ANKDD1A: variants seen among roughly 807,000 people sequenced by gnomAD.
ANKDD1A encodes ankyrin repeat and death domain-containing protein 1A.
Under a neutral mutation model 63.5 loss-of-function variants are expected in ANKDD1A, and 59 were observed. The observed-to-expected ratio is 0.93, with a 90% confidence interval of 0.75 to 1.15. ANKDD1A has a LOEUF of 1.15. Ranked by LOEUF, ANKDD1A falls within the 50% of genes most tolerant of loss-of-function variation. The pLI, the probability that ANKDD1A is intolerant of heterozygous loss-of-function variation, is 0.00. For missense variants in ANKDD1A, 632 were observed against 656.4 expected (o/e 0.96, Z 0.41); for synonymous variants, 266 against 263.9 (o/e 1.01, Z -0.08).
At chr15:64,931,667 C>G (rs752423519) in intron 8 of ANKDD1A, 82 bp downstream of exon 8, 14 of 1,440,872 alleles carry the variant, frequency 9.7e-6, no homozygotes, top group Non-Finnish European at 1.3e-5. Context: ...ACAGGGATTC[C>G]TGAACCCTGA....
intron 2 of ANKDD1A, among the ~76,000 whole-genome samples, chr15:64,916,383 G>A (rs1256365569): frequency 3.3e-5 from 5 of 150,620 alleles, no homozygotes; most frequent in East Asian, 1.9e-4. Flanking sequence ...GGAGTGCAGT[G>A]GAGCAATCAC....
chr15:64,950,871 T>C, intron 14 of ANKDD1A: 1 of 1,170,532 alleles, frequency 8.5e-7, no homozygotes, highest in Non-Finnish European at 1.1e-6. Flanking sequence ...TAACACAAAC[T>C]GTGGCATGCA....
At chr15:64,953,745 CCTCTTTTCT>C (rs2085358271) in intron 14 of ANKDD1A, among the ~76,000 whole-genome samples, 1 of 136,408 alleles carries the variant, frequency 7.3e-6, no homozygotes. Flanking sequence ...CTTCTTCTTT[CCTCTTTTCT>C]TCGTTCTTCT....
intron 9 of ANKDD1A, among the ~76,000 whole-genome samples, chr15:64,938,431 T>C (rs940451585): frequency 6.6e-6 from 1 of 152,094 alleles, no homozygotes; most frequent in African/African-American, 2.4e-5. Context: ...ATCTCTGTAA[T>C]CCTCCCCCAA....
intron 3 of ANKDD1A, among the ~76,000 whole-genome samples, chr15:64,919,363 G>A (rs1258994140): frequency 6.6e-6 from 1 of 152,216 alleles, no homozygotes; most frequent in African/African-American, 2.4e-5. Context: ...TCTACCAGGT[G>A]CTGAGCTCTG....
At position 64,917,388 on chromosome 15, in the gene ANKDD1A, G is replaced by A; in HGVS notation, c.141G>A (p.Val47=). The A allele has an allele frequency of 6.2e-7, 1 of 1,605,756 alleles. No homozygotes were observed. Among genetic ancestry groups the A allele is most frequent in the Non-Finnish European group, 8.5e-7 (1 of 1,175,824 alleles). The change falls in exon 3 of 15, where the codon GTG becomes GTA. Residue 47 remains valine (V), a splice_region_variant and synonymous_variant. Coordinates refer to ENST00000319580, the MANE Select transcript of ANKDD1A (RefSeq NM_182703.6). ...RRVNTRARNH[V]GRVALHWAAG... ...AAGTGTCATCTCCCTCCGGGCAGGTGGGCAGGGTGGCCCTGCACTGGGCTG... is the reference window on the plus strand; with the variant it reads ...AAGTGTCATCTCCCTCCGGGCAGGTAGGCAGGGTGGCCCTGCACTGGGCTG...
Position 64,950,958 on chromosome 15 carries a change from T to C in ANKDD1A, c.1483+986T>C, listed in dbSNP as rs372885286. On this transcript the variant is annotated intron_variant, in intron 14 of 14. Transcript: ENST00000319580. Reference sequence around the variant, plus strand: ...TAAGATTCTTGTTTTTAACAGAAAATATCAGGAAGAAAGCAAACGCAGCCC... The same window carrying C: ...TAAGATTCTTGTTTTTAACAGAAAACATCAGGAAGAAAGCAAACGCAGCCC... 18 of 1,270,064 alleles carry C rather than the reference T, an allele frequency of 1.4e-5. No individual in the cohort carries two copies. In the East Asian group the frequency reaches 6.8e-4, roughly 48 times the overall value. The allele number at this position is 1,270,064 out of a possible 1,614,324, so 78.7% of individuals were successfully genotyped here.
intron 9 of ANKDD1A, among the ~76,000 whole-genome samples, chr15:64,934,930 T>G (rs556888564): frequency 6.6e-6 from 1 of 152,076 alleles, no homozygotes; most frequent in East Asian, 1.9e-4. Context: ...ATCTTTTGGT[T>G]AAAACACAGA....
chr15:64,957,179 T>A lies in ANKDD1A; in HGVS notation c.1560T>A (p.Pro520=), dbSNP rs1181942305. ...TTCAAATGATTCTTGTGCCTCAGCC[T>A]CCCGAGTAGCTGGGATTACAGGTGC... ...SRVQMILVPQ[P]PE is the part of the protein sequence containing the mutation. The change falls in exon 15 of 15, where the codon CCT becomes CCA. Residue 520 remains proline, a synonymous_variant. Transcript: ENST00000319580. 3 of 409,292 alleles carry A rather than the reference T, an allele frequency of 7.3e-6. No individual in the cohort carries two copies. Among genetic ancestry groups the A allele is most frequent in the African/African-American group, 4.3e-5 (2 of 46,854 alleles). 25.4% of individuals were successfully genotyped at this position (409,292 alleles called of 1,614,324 possible).
At chr15:64,952,192 T>C (rs2085300936) in intron 14 of ANKDD1A, among the ~76,000 whole-genome samples, 1 of 147,646 alleles carries the variant, frequency 6.8e-6, no homozygotes, top group East Asian at 1.9e-4. Flanking sequence ...TTCTACTTTT[T>C]CTTCTTCTTC....
chr15:64,939,432 C>G (rs2085162397), intron 9 of ANKDD1A, among the ~76,000 whole-genome samples: 1 of 152,142 alleles, frequency 6.6e-6, no homozygotes. Flanking sequence ...GCCTGGGCAA[C>G]AAAGCGAGAC....
intron 13 of ANKDD1A, 37 bp downstream of exon 13, chr15:64,947,630 G>T: frequency 4.4e-6 from 7 of 1,600,582 alleles, no homozygotes; most frequent in Non-Finnish European, 6.0e-6. Context: ...AGCAACCATT[G>T]GGCGGAGGGG....
At chr15:64,948,973 C>T (rs72739229) in intron 13 of ANKDD1A, among the ~76,000 whole-genome samples, 3,031 of 152,248 alleles carry the variant, frequency 0.02, 49 homozygotes, top group Admixed American at 0.03. Context: ...ATTACAGTGG[C>T]GGGGGCAGAG....
intron 4 of ANKDD1A, chr15:64,922,590 A>G (rs752485529): frequency 6.6e-6 from 1 of 152,228 alleles, no homozygotes; most frequent in Non-Finnish European, 1.5e-5. Context: ...ATGAACTTGG[A>G]TTGGAAAAAA....
At chr15:64,913,796 G>A (rs541111650) in intron 1 of ANKDD1A, among the ~76,000 whole-genome samples, 1 of 152,184 alleles carries the variant, frequency 6.6e-6, no homozygotes, top group African/African-American at 2.4e-5. Flanking sequence ...ACACAAAGGG[G>A]CTGGGTTCAG....
At chr15:64,921,636 A>G (rs938563838) in intron 3 of ANKDD1A, among the ~76,000 whole-genome samples, 7 of 152,016 alleles carry the variant, frequency 4.6e-5, no homozygotes, top group Non-Finnish European at 1.0e-4. Context: ...CAGCCTCCCA[A>G]AGTGCTGGGA....
In ANKDD1A at chr15:64,930,983, C is replaced by T; in HGVS notation, c.669+63C>T. 6.6e-6 allele frequency: 10 copies of T among 1,519,930 alleles called. No homozygotes were observed. In the South Asian group the frequency reaches 1.2e-4, roughly 18 times the overall value. The allele number at this position is 1,519,930 out of a possible 1,614,324, so 94.2% of individuals were successfully genotyped here. On this transcript the variant is annotated intron_variant, in intron 7 of 14. Transcript: ENST00000319580. ...TTGCTTGCTCTCTGCCTTCGAGGAACCCCCACCAGTCCATGGTGAAGTCTA... is the reference window on the plus strand; with the variant it reads ...TTGCTTGCTCTCTGCCTTCGAGGAATCCCCACCAGTCCATGGTGAAGTCTA...
At chr15:64,953,633 T>TCTTCTTCTTC (rs2085352341) in intron 14 of ANKDD1A, among the ~76,000 whole-genome samples, 1 of 4,642 alleles carries the variant, frequency 2.2e-4, no homozygotes, top group African/African-American at 2.4e-4. Context: ...TCTTCTTCCT[T>TCTTCTTCTTC]CTTCTTCCTC....
At chr15:64,929,250 T>G (rs1162258305) in intron 6 of ANKDD1A, among the ~76,000 whole-genome samples, 1 of 152,154 alleles carries the variant, frequency 6.6e-6, no homozygotes, top group Non-Finnish European at 1.5e-5. Flanking sequence ...CACAGCTCAT[T>G]GCAGCCTCAA....
Sources: allele counts gnomAD v4.1 joint callset (sites outside exome capture counted in the v4.1 genomes callset), GRCh38; gene constraint gnomAD v4.1.1; transcripts MANE v1.5; gene names NCBI Gene and HGNC (gene_info 2026-07-23, HGNC 2026-07-21).